Variants in KCTD2 observed in about 807,000 individuals in gnomAD.
KCTD2 encodes potassium channel tetramerization domain containing 2.
Under a neutral mutation model 27.9 loss-of-function variants are expected in KCTD2, and 18 were observed. That is an observed-to-expected ratio of 0.64 (90% confidence interval 0.45 to 0.96). The LOEUF (loss-of-function observed/expected upper bound fraction) is 0.96, where lower values mean the gene tolerates loss of function less well. Among genes scored for constraint, KCTD2 ranks in the 40% least tolerant of loss-of-function variants. The probability of loss-of-function intolerance (pLI) is 0.00; values close to 1 mark genes in which losing one functional copy is unlikely to be tolerated. For synonymous variants in KCTD2, 175 were observed against 148.4 expected (o/e 1.18, Z -1.30); for missense variants, 280 against 348.0 (o/e 0.80, Z 1.56).
intron 3 of KCTD2, among the ~76,000 whole-genome samples, chr17:75,057,085 G>C (rs768933724): frequency 3.1e-4 from 46 of 150,786 alleles, no homozygotes; most frequent in Non-Finnish European, 5.9e-4. Context: ...TTCCCGAGTA[G>C]CTAGATTACA....
At chr17:75,051,466 G>A (rs1477455254) in intron 2 of KCTD2, among the ~76,000 whole-genome samples, 1 of 150,954 alleles carries the variant, frequency 6.6e-6, no homozygotes, top group Non-Finnish European at 1.5e-5. Context: ...TTTATTTTTG[G>A]TAGAGACGGG....
Position 75,064,822 on chromosome 17 carries a change from G to A in KCTD2, c.*1775G>A, listed in dbSNP as rs537831751. 1 of 152,236 alleles carries A rather than the reference G, an allele frequency of 6.6e-6. No homozygotes were observed. Among genetic ancestry groups the A allele is most frequent in the Non-Finnish European group, 1.5e-5 (1 of 68,064 alleles). The allele number at this position is 152,236 out of a possible 1,614,324, so 9.4% of individuals were successfully genotyped here. Reference sequence around the variant, plus strand: ...GTAGCCAAGGAAAGTAGTGATCACGGGAAGGACTGCTCTGAGCCGGGTAGG... The same window carrying A: ...GTAGCCAAGGAAAGTAGTGATCACGAGAAGGACTGCTCTGAGCCGGGTAGG... On this transcript the variant is annotated 3_prime_UTR_variant, in exon 6 of 6. Transcript: ENST00000322444.
chr17:75,060,495 C>G (rs2073393442), intron 4 of KCTD2: 2 of 1,612,180 alleles, frequency 1.2e-6, no homozygotes. Context: ...TGGAACTAAC[C>G]AGACAACAGC....
chr17:75,046,207 C>T (rs562609514), upstream of KCTD2, among the ~76,000 whole-genome samples: 189 of 152,238 alleles, frequency 1.2e-3, 1 homozygote, highest in African/African-American at 4.2e-3. Flanking sequence ...CTCAGCCTCC[C>T]GAGCAGCTGG....
At position 75,050,807 on chromosome 17, in the gene KCTD2, A is replaced by G. The variant is rs951006826; in HGVS notation, c.448+1479A>G. Among the ~76,000 whole-genome samples, 54 of 152,096 alleles carry G rather than the reference A, an allele frequency of 3.6e-4. 1 individual carries two copies. The highest frequency in any genetic ancestry group is 1.9e-3 in the Admixed American group (29 of 15,262). On this transcript the variant is annotated intron_variant, in intron 2 of 5. Coordinates refer to ENST00000322444, the MANE Select transcript of KCTD2 (RefSeq NM_015353.3). ...TATATCCCAGATTAACCAATTTTCA[A>G]TGTTATTTTTGTCATATTTGGGGTA...
At chr17:75,038,775 C>T in intron 3 of KCTD2, 2 of 842,478 alleles carry the variant, frequency 2.4e-6, no homozygotes, top group Admixed American at 3.2e-5. Flanking sequence ...CTCACCTTTC[C>T]ATTTAAACAA....
chr17:75,058,397 G>A (rs1231410020), intron 3 of KCTD2, among the ~76,000 whole-genome samples: 6 of 152,018 alleles, frequency 3.9e-5, no homozygotes, highest in African/African-American at 1.4e-4. Context: ...CCAGCTACTC[G>A]GGAGGCTGAG....
chr17:75,048,699 G>T (rs1003535688), intron 1 of KCTD2: 2 of 153,050 alleles, frequency 1.3e-5, no homozygotes, highest in African/African-American at 4.8e-5. Context: ...CACAGAGCTG[G>T]GGTGTGTGAG....
chr17:75,055,185 G>A (rs1393561461), intron 3 of KCTD2, among the ~76,000 whole-genome samples: 1 of 151,928 alleles, frequency 6.6e-6, no homozygotes, highest in Non-Finnish European at 1.5e-5. Flanking sequence ...CACCTGAGTA[G>A]CTGTGATTAC....
chr17:75,036,960 C>A (rs1159039307), intron 3 of KCTD2, among the ~76,000 whole-genome samples: 1 of 152,178 alleles, frequency 6.6e-6, no homozygotes, highest in Admixed American at 6.5e-5. Flanking sequence ...CAATCAGGAG[C>A]CATGCACCCA....
chr17:75,040,037 G>GA, intron 3 of KCTD2: 1 of 1,576,804 alleles, frequency 6.3e-7, no homozygotes, highest in Non-Finnish European at 8.7e-7. Context: ...AGCTATAATA[G>GA]AGAGCTGTCA....
At chr17:75,044,736 T>C (rs1212336567), upstream of KCTD2, among the ~76,000 whole-genome samples, 1 of 151,790 alleles carries the variant, frequency 6.6e-6, no homozygotes, top group Non-Finnish European at 1.5e-5. Flanking sequence ...TATAGGAAAA[T>C]AGTCCTCTTT....
At chr17:75,058,152 C>G (rs556540744) in intron 3 of KCTD2, among the ~76,000 whole-genome samples, 1 of 151,632 alleles carries the variant, frequency 6.6e-6, no homozygotes, top group African/African-American at 2.4e-5. Flanking sequence ...GGTGAGACTT[C>G]GTCTCTACTA....
intron 3 of KCTD2, among the ~76,000 whole-genome samples, chr17:75,037,855 C>A (rs1316308715): frequency 2.6e-5 from 4 of 152,044 alleles, no homozygotes; most frequent in African/African-American, 9.7e-5. Context: ...CGAGACCATC[C>A]TGGCTAACAT....
chr17:75,060,688 C>T (rs2073396063), intron 4 of KCTD2: 64 of 1,356,988 alleles, frequency 4.7e-5, no homozygotes, highest in Non-Finnish European at 6.1e-5. Flanking sequence ...TCAGGCTGCA[C>T]TCAGGGTCTC....
At chr17:75,062,074 T>G in intron 4 of KCTD2, 46 bp from the exon 5 acceptor site, 1 of 1,610,960 alleles carries the variant, frequency 6.2e-7, no homozygotes, top group Non-Finnish European at 8.5e-7. Flanking sequence ...TTCGAAAGTA[T>G]GTTAAGATTG....
At chr17:75,057,195 C>G (rs2073358943) in intron 3 of KCTD2, among the ~76,000 whole-genome samples, 2 of 152,076 alleles carry the variant, frequency 1.3e-5, no homozygotes, top group Admixed American at 6.6e-5. Context: ...CTTAGGCGAG[C>G]CACCAACCTC....
intron 3 of KCTD2, among the ~76,000 whole-genome samples, chr17:75,054,438 G>A (rs138310601): frequency 2.2e-3 from 331 of 152,310 alleles, no homozygotes; most frequent in African/African-American, 7.7e-3. Context: ...TGTTTGTCGT[G>A]TGTTTGAATG....
chr17:75,054,893 A>G (rs946823875), intron 3 of KCTD2, among the ~76,000 whole-genome samples: 1 of 152,076 alleles, frequency 6.6e-6, no homozygotes, highest in Non-Finnish European at 1.5e-5. Flanking sequence ...AGAAACTGCA[A>G]CTACAGAGTT....
Sources: gnomAD v4.1 joint callset for allele counts (sites outside exome capture counted in the v4.1 genomes callset) on GRCh38, gnomAD v4.1.1 for gene constraint, MANE v1.5 for transcripts, NCBI Gene and HGNC (gene_info 2026-07-23, HGNC 2026-07-21) for gene names.